The following PDE7B variants were observed in gnomAD, a reference collection of about 807,000 sequenced individuals.
The protein encoded by PDE7B is phosphodiesterase 7B, also known as 3',5'-cyclic-AMP phosphodiesterase 7B.
In PDE7B, 29 loss-of-function variants were observed where a neutral mutation model predicts 56.2. That is an observed-to-expected ratio of 0.52 (90% confidence interval 0.38 to 0.70). The LOEUF is 0.70. Among genes scored for constraint, PDE7B ranks in the 30% least tolerant of loss-of-function variants. The probability of loss-of-function intolerance (pLI) is 0.00; values close to 1 mark genes in which losing one functional copy is unlikely to be tolerated. For synonymous variants in PDE7B, 197 were observed against 196.9 expected, an observed-to-expected ratio of 1.00 and a Z score of 0.00; for missense variants, 490 against 565.0, an observed-to-expected ratio of 0.87 and a Z score of 1.35.
At chr6:136,071,092 G>T (rs192483162) in intron 2 of PDE7B, 1 of 152,198 alleles carries the variant, frequency 6.6e-6, no homozygotes, top group African/African-American at 2.4e-5. Context: ...ACTCCAGGAG[G>T]TTTCGAGTTA....
At chr6:136,082,668 T>A (rs1462740583) in intron 2 of PDE7B, among the ~76,000 whole-genome samples, 1 of 152,172 alleles carries the variant, frequency 6.6e-6, no homozygotes, top group Non-Finnish European at 1.5e-5. Flanking sequence ...TCCCTTCTGT[T>A]TACTTACAAC....
chr6:136,175,492 A>T (rs1583925643), intron 9 of PDE7B, among the ~76,000 whole-genome samples: 1 of 152,130 alleles, frequency 6.6e-6, no homozygotes, highest in Non-Finnish European at 1.5e-5. Flanking sequence ...AACTGCTAGT[A>T]ATCCTGCCAT....
At chr6:136,019,452 C>T (rs1265629971) in intron 2 of PDE7B, among the ~76,000 whole-genome samples, 1 of 152,100 alleles carries the variant, frequency 6.6e-6, no homozygotes, top group Non-Finnish European at 1.5e-5. Flanking sequence ...GGCATCGACA[C>T]TGTAAATATG....
At chr6:136,064,792 C>A (rs903463080) in intron 2 of PDE7B, among the ~76,000 whole-genome samples, 2 of 152,180 alleles carry the variant, frequency 1.3e-5, no homozygotes, top group East Asian at 3.8e-4. Context: ...GGAAGTTAGG[C>A]ACCTACCCTT....
chr6:135,870,167 A>G (rs1245267410), intron 1 of PDE7B, among the ~76,000 whole-genome samples: 2 of 152,164 alleles, frequency 1.3e-5, no homozygotes, highest in Non-Finnish European at 2.9e-5. Context: ...GAGTAAGCTG[A>G]AACACTAGAG....
intron 2 of PDE7B, among the ~76,000 whole-genome samples, chr6:136,043,355 A>T (rs1324251201): frequency 1.3e-5 from 2 of 152,036 alleles, no homozygotes; most frequent in Non-Finnish European, 2.9e-5. Flanking sequence ...CAGCTCCCCA[A>T]TTCCCACTAG....
Position 135,963,770 on chromosome 6 carries a change from C to T in PDE7B, c.82+16246C>T, listed in dbSNP as rs192862338. ...CTCATCCTTAGAACACTTCCCTCCT[C>T]GGGGAATTCTTTTTATACTTGATTT... On this transcript the variant is annotated intron_variant, in intron 2 of 12. Transcript: ENST00000308191. Among the ~76,000 whole-genome samples the T allele has an allele frequency of 9.9e-5, 15 of 152,216 alleles. No individual in the cohort carries two copies. In the East Asian group the frequency reaches 2.3e-3, roughly 23 times the overall value.
intron 2 of PDE7B, among the ~76,000 whole-genome samples, chr6:136,085,702 C>G (rs1777280194): frequency 6.6e-6 from 1 of 152,148 alleles, no homozygotes; most frequent in South Asian, 2.1e-4. Flanking sequence ...AAAGTCAATA[C>G]TGAAAAGTGC....
At chr6:135,992,543 A>G (rs1024535811) in intron 2 of PDE7B, among the ~76,000 whole-genome samples, 1 of 152,204 alleles carries the variant, frequency 6.6e-6, no homozygotes, top group Non-Finnish European at 1.5e-5. Context: ...TAAACACTTA[A>G]TAACACCTGT....
chr6:136,183,421 G>A (rs1170153606), intron 11 of PDE7B, among the ~76,000 whole-genome samples: 20 of 151,444 alleles, frequency 1.3e-4, no homozygotes, highest in Non-Finnish European at 2.9e-4. Flanking sequence ...GTGAAACCCC[G>A]TCTCTACTAA....
Position 136,173,502 on chromosome 6 carries a change from A to C in PDE7B, c.712-295A>C, listed in dbSNP as rs62431276. On this transcript the variant is annotated intron_variant, in intron 8 of 12. Coordinates refer to ENST00000308191, the MANE Select transcript of PDE7B (RefSeq NM_018945.4). ...TCTTTCTTACATTTAGCGTGGCCTG[A>C]CTGAGCTATTGGAAGAGGGGCAGAG... 4.7e-3 allele frequency among the ~76,000 whole-genome samples: 710 copies of C among 152,326 alleles called. 1 individual carries two copies. The highest frequency in any genetic ancestry group is 7.0e-3 in the Non-Finnish European group (476 of 68,022).
chr6:136,086,885 C>A (rs1236757270), intron 2 of PDE7B, among the ~76,000 whole-genome samples: 1 of 152,262 alleles, frequency 6.6e-6, no homozygotes, highest in East Asian at 1.9e-4. Context: ...TATTGAGAAG[C>A]CAGCTGTTAT....
At chr6:136,078,529 T>A (rs1473180358) in intron 2 of PDE7B, among the ~76,000 whole-genome samples, 1 of 149,074 alleles carries the variant, frequency 6.7e-6, no homozygotes, top group African/African-American at 2.5e-5. Context: ...TCCAGAAAAA[T>A]GATACCAAAA....
intron 2 of PDE7B, chr6:136,038,331 G>T: frequency 7.7e-7 from 1 of 1,292,508 alleles, no homozygotes; most frequent in Non-Finnish European, 1.0e-6. Flanking sequence ...GCAGAGCTAG[G>T]CAGGAGGTGG....
intron 2 of PDE7B, among the ~76,000 whole-genome samples, chr6:136,105,439 A>G (rs774553516): frequency 2.0e-5 from 3 of 152,212 alleles, no homozygotes; most frequent in Non-Finnish European, 4.4e-5. Flanking sequence ...GTCTGAACAA[A>G]TTATCAAATT....
intron 2 of PDE7B, among the ~76,000 whole-genome samples, chr6:136,083,488 A>G (rs1200025600): frequency 2.0e-5 from 3 of 152,178 alleles, no homozygotes; most frequent in Admixed American, 6.5e-5. Flanking sequence ...ACGTAACAGA[A>G]GTGTCTGAAA....
intron 1 of PDE7B, among the ~76,000 whole-genome samples, chr6:135,934,766 T>TATATATATATTTATTATATATATTTTAA (rs1774363772): frequency 1.0e-5 from 1 of 97,664 alleles, no homozygotes; most frequent in Non-Finnish European, 2.0e-5. Context: ...TTTTTAAATA[T>TATATATATATTTATTATATATATTTTAA]ATATATATAT....
intron 2 of PDE7B, among the ~76,000 whole-genome samples, chr6:135,950,123 C>T (rs1211633828): frequency 6.6e-6 from 1 of 151,940 alleles, no homozygotes; most frequent in African/African-American, 2.4e-5. Flanking sequence ...CAAAATGATC[C>T]TAGATGATAA....
At chr6:136,011,761 A>G (rs1323566363) in intron 2 of PDE7B, among the ~76,000 whole-genome samples, 1 of 152,174 alleles carries the variant, frequency 6.6e-6, no homozygotes, top group Non-Finnish European at 1.5e-5. Context: ...CTCATCGCTG[A>G]CATTCCAGAG....
Sources: gnomAD v4.1 joint callset for allele counts (sites outside exome capture counted in the v4.1 genomes callset) on GRCh38, gnomAD v4.1.1 for gene constraint, MANE v1.5 for transcripts, NCBI Gene and HGNC (gene_info 2026-07-23, HGNC 2026-07-21) for gene names.